FLRT3: variants seen among roughly 807,000 people sequenced by gnomAD.
The protein encoded by FLRT3 is fibronectin leucine rich transmembrane protein 3, also known as leucine-rich repeat transmembrane protein FLRT3.
A neutral mutation model predicts 42.6 loss-of-function variants in FLRT3; 17 were observed. The ratio of observed to expected loss-of-function variants is 0.40; its 90% CI spans 0.27 to 0.60. The LOEUF (loss-of-function observed/expected upper bound fraction) is 0.60. FLRT3 is among the 20% of genes least tolerant of loss of function. The pLI is 0.44. For missense variants in FLRT3, 635 were observed against 789.2 expected (o/e 0.80, Z 2.34); for synonymous variants, 279 against 286.4 (o/e 0.97, Z 0.26).
In FLRT3 at chr20:14,325,944, A is replaced by T. The variant is rs566492728; in HGVS notation, c.1563T>A (p.Pro521=). Residue 521 remains proline (P), a synonymous_variant, in exon 3 of 3, where the codon CCT becomes CCA. Coordinates refer to ENST00000341420, the MANE Select transcript of FLRT3 (RefSeq NM_198391.3). The stretch of plus-strand genomic sequence containing the variant: ...CCAAAGGTAAATTGGGGTTTTTGTA[A>T]GGTTCTTTCTCTTGCTCTCGATTGA... The part of the protein sequence containing the change: ...TTLNREQEKE[P]YKNPNLPLAA... 6.2e-7 allele frequency: 1 copy of T among 1,613,894 alleles called. No homozygotes were observed. Among genetic ancestry groups the T allele is most frequent in the Admixed American group, 1.7e-5 (1 of 59,980 alleles).
chr20:14,331,779 T>C (rs2082845668), intron 1 of FLRT3, among the ~76,000 whole-genome samples: 1 of 152,114 alleles, frequency 6.6e-6, no homozygotes, highest in South Asian at 2.1e-4. Flanking sequence ...CTCCTATCCT[T>C]AGACCTTCCC....
intron 1 of FLRT3, among the ~76,000 whole-genome samples, chr20:14,332,624 A>G (rs2082865516): frequency 6.6e-6 from 1 of 152,140 alleles, no homozygotes; most frequent in Admixed American, 6.6e-5. Context: ...ATTTTTAATG[A>G]TTTCTCTCAC....
At position 14,326,153 on chromosome 20, in the gene FLRT3, T is replaced by C. The variant is rs1393315241; in HGVS notation, c.1354A>G (p.Ile452Val). The C allele has an allele frequency of 3.7e-6, 6 of 1,613,770 alleles. No individual in the cohort carries two copies. The highest frequency in any genetic ancestry group is 3.3e-5 in the Admixed American group (2 of 59,956). ...TCCCCTGTTACAATTGTTTCTGTTATAGATCCAAATGCCGGGCTATGGCCC... is the reference window on the plus strand; with the variant it reads ...TCCCCTGTTACAATTGTTTCTGTTACAGATCCAAATGCCGGGCTATGGCCC... ...KLGHSPAFGSITETIVTGERS... is the reference protein window; with the variant it reads ...KLGHSPAFGSVTETIVTGERS... The change falls in exon 3 of 3, where the codon ATA becomes GTA. Residue 452 changes from isoleucine to valine, a missense_variant. Transcript: ENST00000341420. This position sits in a 1 kb window ranked among gnomAD's most constrained non-coding sequence, Gnocchi z 5.5.
In FLRT3 at chr20:14,324,735, T is replaced by C. The variant is rs1333014936; in HGVS notation, c.*822A>G. On this transcript the variant is annotated 3_prime_UTR_variant, in exon 3 of 3. Coordinates refer to ENST00000341420, the MANE Select transcript of FLRT3 (RefSeq NM_198391.3). ...CAAAACCAAAATGCAGTTTTGGTAT[T>C]TGTGTTCATTACACTATACAAGTCT... 6.6e-6 allele frequency: 1 copy of C among 152,174 alleles called. No homozygotes were observed. The highest frequency in any genetic ancestry group is 1.5e-5 in the Non-Finnish European group (1 of 68,024). The allele number at this position is 152,174 out of a possible 1,614,324, so 9.4% of individuals were successfully genotyped here. A position where few individuals can be genotyped will look rare whatever the true frequency, so the allele number is the denominator to read the frequency against.
rs546767752 is a variant in FLRT3 at position 14,328,290 on chromosome 20, C to G, written c.-52-732G>C. ...CAGCTAACCTAAGTGGAAAATTTCA[C>G]TTCATATTAAATTCTGTCTTTCTTC... On this transcript the variant is annotated intron_variant, in intron 2 of 2. Transcript: ENST00000341420. Among the ~76,000 whole-genome samples, 128 of 152,166 alleles carry G rather than the reference C, an allele frequency of 8.4e-4. 1 individual carries two copies. Among genetic ancestry groups the G allele is most frequent in the African/African-American group, 3.0e-3 (125 of 41,540 alleles).
In FLRT3 at chr20:14,324,139, T is replaced by A. The variant is rs183080338; in HGVS notation, c.*1418A>T. ...GCAAGCACAATTATTCTGTACTTTTTAAAAGTTTTATTCAGCAATAAGACC... is the reference window on the plus strand; with the variant it reads ...GCAAGCACAATTATTCTGTACTTTTAAAAAGTTTTATTCAGCAATAAGACC... On this transcript the variant is annotated 3_prime_UTR_variant, in exon 3 of 3. Coordinates refer to ENST00000341420, the MANE Select transcript of FLRT3 (RefSeq NM_198391.3). 752 of 152,722 alleles carry A rather than the reference T, an allele frequency of 4.9e-3. 2 individuals are homozygous for A. The highest frequency in any genetic ancestry group is 9.1e-3 in the South Asian group (44 of 4,824). 9.5% of individuals were successfully genotyped at this position (152,722 alleles called of 1,614,324 possible).
intron 2 of FLRT3, 87 bp from the exon 3 acceptor site, chr20:14,327,645 T>C (rs1241902960): frequency 2.7e-5 from 26 of 960,028 alleles, no homozygotes; most frequent in Middle Eastern, 3.3e-4. Flanking sequence ...GAAACTAAAA[T>C]ATCCATAATC....
Position 14,326,056 on chromosome 20 carries a change from G to T in FLRT3, c.1451C>A (p.Thr484Asn). Residue 484 changes from threonine to asparagine, a missense_variant, in exon 3 of 3, where the codon ACC becomes AAC. Thr to Asn is a moderately conservative substitution (Grantham distance 65). Transcript: ENST00000341420. The surrounding 1 kb of genome is among the most constrained non-coding windows in gnomAD (Gnocchi z 5.5). ...PYKVCMVPME[T>N]SNLYLFDETP... The stretch of plus-strand genomic sequence containing the variant: ...TTCATCAAATAGGTAGAGGTTGCTG[G>T]TTTCCATGGGAACCATGCATACTTT... The T allele has an allele frequency of 6.2e-7, 1 of 1,613,890 alleles. No homozygotes were observed. Among genetic ancestry groups the T allele is most frequent in the Non-Finnish European group, 8.5e-7 (1 of 1,179,890 alleles).
rs1191386920 is a variant in FLRT3 at position 14,325,515 on chromosome 20, T to C, written c.*42A>G. 4.5e-6 allele frequency: 7 copies of C among 1,559,668 alleles called. No individual in the cohort carries two copies. The highest frequency in any genetic ancestry group is 6.1e-6 in the Non-Finnish European group (7 of 1,154,994). On this transcript the variant is annotated 3_prime_UTR_variant, in exon 3 of 3. Transcript: ENST00000341420. ...GTTCCTACCATCACCTCCCTTAGGTTTAAAAAACCCAAAACACAAGTCTGC... is the reference window on the plus strand; with the variant it reads ...GTTCCTACCATCACCTCCCTTAGGTCTAAAAAACCCAAAACACAAGTCTGC...
chr20:14,333,485 A>G (rs1363275591), intron 1 of FLRT3, among the ~76,000 whole-genome samples: 3 of 152,184 alleles, frequency 2.0e-5, no homozygotes, highest in African/African-American at 7.2e-5. Context: ...CGAGTAAGAT[A>G]TTAATTTAGA....
chr20:14,328,315 C>T (rs2082771751), intron 2 of FLRT3, among the ~76,000 whole-genome samples: 1 of 152,084 alleles, frequency 6.6e-6, no homozygotes, highest in African/African-American at 2.4e-5. Flanking sequence ...TGTCTTTCTT[C>T]TGTTCACATT....
chr20:14,334,989 A>C (rs1002922570), intron 1 of FLRT3, among the ~76,000 whole-genome samples: 7 of 152,200 alleles, frequency 4.6e-5, no homozygotes, highest in Non-Finnish European at 7.3e-5. Context: ...TTCATTGACC[A>C]GATTTAATAT....
intron 1 of FLRT3, among the ~76,000 whole-genome samples, chr20:14,329,739 A>C (rs1460024930): frequency 2.6e-5 from 4 of 151,804 alleles, no homozygotes; most frequent in African/African-American, 9.7e-5. Context: ...CTTTTTAGGC[A>C]TTTCTGAACA....
rs1458221472 is a variant in FLRT3, at chr20:14,324,261, G to C, written c.*1296C>G. ...CAAGGCACATACAAGACTGGCCAAA[G>C]GGCGTACAATGCACTTTGGTTTTTT... On this transcript the variant is annotated 3_prime_UTR_variant, in exon 3 of 3. Transcript: ENST00000341420. 6.8e-6 allele frequency: 1 copy of C among 147,918 alleles called. No homozygotes were observed. The highest frequency in any genetic ancestry group is 2.2e-4 in the South Asian group (1 of 4,524). 9.2% of individuals were successfully genotyped at this position (147,918 alleles called of 1,614,324 possible).
intron 2 of FLRT3, among the ~76,000 whole-genome samples, chr20:14,327,832 T>C (rs922384188): frequency 6.6e-6 from 1 of 152,072 alleles, no homozygotes; most frequent in Non-Finnish European, 1.5e-5. Flanking sequence ...TGAAGTTTTA[T>C]TGAATAATCC....
intron 2 of FLRT3, among the ~76,000 whole-genome samples, chr20:14,328,613 T>G (rs2082777367): frequency 6.6e-6 from 1 of 152,072 alleles, no homozygotes; most frequent in Admixed American, 6.6e-5. Flanking sequence ...TTTGCGGGGG[T>G]GAATATCCAA....
At chr20:14,334,872 G>A (rs2082909221) in intron 1 of FLRT3, among the ~76,000 whole-genome samples, 1 of 151,696 alleles carries the variant, frequency 6.6e-6, no homozygotes, top group Admixed American at 6.6e-5. Context: ...GTTAGCTCTG[G>A]ATTTTGCCAT....
chr20:14,336,269 TG>T (rs2082934630), intron 1 of FLRT3, among the ~76,000 whole-genome samples: 1 of 152,046 alleles, frequency 6.6e-6, no homozygotes, highest in Non-Finnish European at 1.5e-5. Flanking sequence ...TTATTAAGAA[TG>T]TTTAAAATAG....
intron 1 of FLRT3, among the ~76,000 whole-genome samples, chr20:14,336,305 T>A (rs2082935331): frequency 6.6e-6 from 1 of 152,026 alleles, no homozygotes. Context: ...CCATTAGAGA[T>A]TTTGGACTAA....
Sources: allele counts gnomAD v4.1 joint callset (sites outside exome capture counted in the v4.1 genomes callset), GRCh38; gene constraint gnomAD v4.1.1; non-coding constraint Gnocchi (gnomAD v3.1); transcripts MANE v1.5; gene names NCBI Gene and HGNC (gene_info 2026-07-23, HGNC 2026-07-21).